PRR5: variants seen among roughly 807,000 people sequenced by gnomAD.
PRR5 encodes the protein proline rich 5, also known as proline-rich protein 5.
PRR5 carries 25 observed loss-of-function variants against 30.6 expected under a neutral mutation model. That is an observed-to-expected ratio of 0.82 (90% CI 0.60 to 1.14). The LOEUF (loss-of-function observed/expected upper bound fraction) is 1.14. Ranked by LOEUF, PRR5 falls within the 50% of genes most tolerant of loss-of-function variation. The probability of loss-of-function intolerance (pLI) is 0.00; values close to 1 mark genes in which losing one functional copy is unlikely to be tolerated. For synonymous variants in PRR5, 286 were observed against 247.1 expected, an observed-to-expected ratio of 1.16 and a Z score of -1.48; for missense variants, 600 against 547.1, an observed-to-expected ratio of 1.10 and a Z score of -0.96.
intron 4 of PRR5, chr22:44,729,866 C>G (rs1048357342): frequency 1.9e-4 from 184 of 985,370 alleles, no homozygotes; most frequent in Non-Finnish European, 2.2e-4. Context: ...GAGCCACCCC[C>G]CGGCCAGCCC....
rs1213024316 is a variant in PRR5 at position 44,728,406 on chromosome 22, TGGA to T, written c.322+1777_322+1779del. ...CAGGTGACCTCTGGGAGCCCAGAGA[TGGA>T]GGAGAACCTGGCCCTGCCCTTCAGG... On this transcript the variant is annotated intron_variant, in intron 4 of 7. Coordinates refer to ENST00000336985, the MANE Select transcript of PRR5 (RefSeq NM_181333.4). 6.6e-5 allele frequency among the ~76,000 whole-genome samples: 10 copies of T among 152,290 alleles called. No individual in the cohort carries two copies. The East Asian group carries it at 7.7e-4, about 12-fold the overall frequency.
upstream of PRR5, among the ~76,000 whole-genome samples, chr22:44,699,575 C>T (rs895129785): frequency 8.5e-5 from 13 of 152,322 alleles, no homozygotes; most frequent in African/African-American, 3.1e-4. Context: ...TTCATCCATC[C>T]GTTAAACCAA....
At chr22:44,698,414 GGGGCCA>G (rs1180279214), upstream of PRR5, among the ~76,000 whole-genome samples, 3 of 151,070 alleles carry the variant, frequency 2.0e-5, no homozygotes, top group Non-Finnish European at 1.5e-5. Flanking sequence ...GTCTGGAGTG[GGGGCCA>G]CTCTGGTGGC....
intron 1 of PRR5, among the ~76,000 whole-genome samples, chr22:44,690,416 T>C (rs1386675073): frequency 6.6e-6 from 1 of 151,408 alleles, no homozygotes; most frequent in Non-Finnish European, 1.5e-5. Flanking sequence ...GATTCCATGG[T>C]GGGGTTGGGG....
intron 6 of PRR5, among the ~76,000 whole-genome samples, chr22:44,733,542 G>A (rs891920651): frequency 3.3e-5 from 5 of 152,210 alleles, no homozygotes; most frequent in African/African-American, 1.2e-4. Flanking sequence ...TGCCCTGGGT[G>A]GAAGTTGAGA....
intron 1 of PRR5, among the ~76,000 whole-genome samples, chr22:44,704,700 G>A (rs1926910003): frequency 6.6e-6 from 1 of 151,950 alleles, no homozygotes; most frequent in Non-Finnish European, 1.5e-5. Flanking sequence ...TCCTAGCCCA[G>A]CGAGGTATTA....
At chr22:44,677,900 G>A (rs776384447) in intron 1 of PRR5, among the ~76,000 whole-genome samples, 5 of 152,206 alleles carry the variant, frequency 3.3e-5, no homozygotes, top group East Asian at 1.9e-4. Flanking sequence ...TTGTGGGCAC[G>A]GATCATCCTT....
rs150494489 is a variant in PRR5, at chr22:44,682,165, A to G, written c.-11+4925A>G. On this transcript the variant is annotated intron_variant, in intron 1 of 8. Transcript: ENST00000006251. ...AGGCCTGCATGCTAGGGTCAAGGTTAGCCACACTCCCTTGCTCTGCTGGCC... is the reference window on the plus strand; with the variant it reads ...AGGCCTGCATGCTAGGGTCAAGGTTGGCCACACTCCCTTGCTCTGCTGGCC... Among the ~76,000 whole-genome samples the G allele has an allele frequency of 1.1e-3, 162 of 152,310 alleles. 1 individual carries two copies. Among genetic ancestry groups the G allele is most frequent in the African/African-American group, 3.6e-3 (150 of 41,572 alleles).
chr22:44,731,428 T>C, intron 4 of PRR5: 1 of 481,944 alleles, frequency 2.1e-6, no homozygotes, highest in Non-Finnish European at 3.8e-6. Context: ...TTGGCAGCTG[T>C]CATCTGCCAG....
intron 4 of PRR5, among the ~76,000 whole-genome samples, chr22:44,727,017 AG>A (rs1424680167): frequency 6.6e-6 from 1 of 152,124 alleles, no homozygotes; most frequent in Non-Finnish European, 1.5e-5. Flanking sequence ...ATACTCACAG[AG>A]GAGGGGACAG....
chr22:44,692,760 G>A (rs767772291), intron 1 of PRR5, among the ~76,000 whole-genome samples: 8 of 152,212 alleles, frequency 5.3e-5, no homozygotes, highest in Admixed American at 2.6e-4. Flanking sequence ...CCGCTCTGCC[G>A]CCTGCCCTGA....
rs1249612271 is a variant in PRR5 at position 44,731,117 on chromosome 22, C to G, written c.323-613C>G. On this transcript the variant is annotated intron_variant, in intron 4 of 7. Coordinates refer to ENST00000336985, the MANE Select transcript of PRR5 (RefSeq NM_181333.4). Reference sequence around the variant, plus strand: ...GGGTTGTTAGGAGGATCTGATGAGACTAGGATGTGAGTTGAAACTGCTGTG... The same window carrying G: ...GGGTTGTTAGGAGGATCTGATGAGAGTAGGATGTGAGTTGAAACTGCTGTG... The G allele has an allele frequency of 1.8e-5, 5 of 284,970 alleles. No individual in the cohort carries two copies. The Admixed American group carries it at 1.9e-4, about 11-fold the overall frequency. 17.7% of individuals were successfully genotyped at this position (284,970 alleles called of 1,614,324 possible). A position where few individuals can be genotyped will look rare whatever the true frequency, so the allele number is the denominator to read the frequency against.
intron 1 of PRR5, among the ~76,000 whole-genome samples, chr22:44,683,410 C>A (rs992158216): frequency 5.3e-5 from 8 of 152,238 alleles, no homozygotes; most frequent in African/African-American, 1.9e-4. Flanking sequence ...TGCCTTGGCC[C>A]CCACCCCATC....
chr22:44,732,506 C>T (rs1271369726), intron 6 of PRR5, 115 bp downstream of exon 6: 11 of 1,432,852 alleles, frequency 7.7e-6, no homozygotes, highest in East Asian at 5.0e-5. Flanking sequence ...TAAGGAAGGG[C>T]CCGATCAGAG....
chr22:44,712,788 G>A (rs887496523), intron 1 of PRR5, among the ~76,000 whole-genome samples: 8 of 152,210 alleles, frequency 5.3e-5, no homozygotes, highest in African/African-American at 1.9e-4. Context: ...CTGCAGCTAG[G>A]TCCTGGGTGG....
intron 2 of PRR5, among the ~76,000 whole-genome samples, chr22:44,723,591 G>T (rs1221921942): frequency 6.6e-6 from 1 of 151,980 alleles, no homozygotes; most frequent in Non-Finnish European, 1.5e-5. Context: ...GTGATGGTAT[G>T]CGCCTGTAAT....
intron 1 of PRR5, among the ~76,000 whole-genome samples, chr22:44,692,326 TCCTCCTCCCAGG>T (rs1925331443): frequency 1.1e-5 from 1 of 92,504 alleles, no homozygotes; most frequent in South Asian, 4.2e-4. Flanking sequence ...CTCCCGGGGC[TCCTCCTCCCAGG>T]GCTCCTCCTG....
chr22:44,733,549 G>A (rs1922629687), intron 6 of PRR5, among the ~76,000 whole-genome samples: 1 of 152,206 alleles, frequency 6.6e-6, no homozygotes, highest in South Asian at 2.1e-4. Context: ...GGTGGAAGTT[G>A]AGAGAGTTTA....
intron 4 of PRR5, chr22:44,729,513 A>G (rs1921523046): frequency 2.0e-6 from 2 of 985,450 alleles, no homozygotes; most frequent in Non-Finnish European, 2.4e-6. Flanking sequence ...GCCGGCAGCA[A>G]ACGCCCAGTG....
Sources: allele counts gnomAD v4.1 joint callset (sites outside exome capture counted in the v4.1 genomes callset), GRCh38; gene constraint gnomAD v4.1.1; transcripts MANE v1.5; gene names NCBI Gene and HGNC (gene_info 2026-07-23, HGNC 2026-07-21).